NELL1: variants seen among roughly 807,000 people sequenced by gnomAD.
NELL1 encodes the protein neural EGFL like 1, also known as protein kinase C-binding protein NELL1.
Under a neutral mutation model 107.4 loss-of-function variants are expected in NELL1, and 76 were observed. That is an observed-to-expected ratio of 0.71 (90% confidence interval 0.59 to 0.86). NELL1 has a LOEUF of 0.86. Ranked by LOEUF, NELL1 falls within the 40% of genes least tolerant of loss-of-function variation. NELL1 has a pLI of 0.00. For synonymous variants in NELL1, 353 were observed against 341.2 expected (o/e 1.03, Z -0.38); for missense variants, 1,024 against 1,005.5 (o/e 1.02, Z -0.25).
intron 14 of NELL1, among the ~76,000 whole-genome samples, chr11:21,252,012 C>T (rs867225270): frequency 3.9e-4 from 60 of 152,118 alleles, no homozygotes; most frequent in African/African-American, 1.4e-3. Context: ...AATTAATGGA[C>T]ACATATGGAG....
intron 2 of NELL1, among the ~76,000 whole-genome samples, chr11:20,758,440 C>G (rs1856346198): frequency 6.6e-6 from 1 of 152,180 alleles, no homozygotes; most frequent in Non-Finnish European, 1.5e-5. Context: ...ATTCTAAGTT[C>G]TTCCTATCCT....
intron 13 of NELL1, among the ~76,000 whole-genome samples, chr11:21,149,421 G>A (rs565428257): frequency 4.6e-5 from 7 of 152,328 alleles, no homozygotes; most frequent in South Asian, 2.1e-4. Context: ...CAAAGGAGGA[G>A]CAAAGTCACA....
chr11:21,043,335 G>A (rs979976859), intron 12 of NELL1, among the ~76,000 whole-genome samples: 1 of 152,126 alleles, frequency 6.6e-6, no homozygotes, highest in Admixed American at 6.6e-5. Flanking sequence ...GATATTAAAT[G>A]AGAAAAGAAA....
chr11:21,059,162 T>G (rs184150477), intron 12 of NELL1, among the ~76,000 whole-genome samples: 23 of 152,240 alleles, frequency 1.5e-4, no homozygotes, highest in Non-Finnish European at 2.8e-4. Context: ...GGTTTACATA[T>G]GTTTCACCTT....
At chr11:21,381,405 A>G (rs930154700) in intron 15 of NELL1, among the ~76,000 whole-genome samples, 5 of 151,956 alleles carry the variant, frequency 3.3e-5, no homozygotes, top group Admixed American at 3.3e-4. Context: ...TAACGTTTCT[A>G]AGTGTCGGTT....
chr11:21,503,168 A>G (rs1855189636), intron 15 of NELL1, among the ~76,000 whole-genome samples: 2 of 152,242 alleles, frequency 1.3e-5, no homozygotes, highest in African/African-American at 4.8e-5. Context: ...AGCGTGAGCC[A>G]CTGCACCCAG....
chr11:21,329,911 A>G (rs934288596), intron 14 of NELL1, among the ~76,000 whole-genome samples: 1 of 152,246 alleles, frequency 6.6e-6, no homozygotes, highest in African/African-American at 2.4e-5. Flanking sequence ...TGTTACATCT[A>G]TATGTTATAA....
chr11:20,691,884 G>A (rs141017956), intron 2 of NELL1, among the ~76,000 whole-genome samples: 30,923 of 151,910 alleles, frequency 0.2, 3,403 homozygotes, highest in African/African-American at 0.26. Flanking sequence ...TGTACCTCTG[G>A]TAGAATTCGG....
chr11:21,148,596 A>G (rs1856039724), intron 13 of NELL1, among the ~76,000 whole-genome samples: 1 of 152,180 alleles, frequency 6.6e-6, no homozygotes, highest in African/African-American at 2.4e-5. Context: ...CGTGGGATCA[A>G]CTTCTCCCTG....
At chr11:20,934,570 C>G (rs1481087594) in intron 9 of NELL1, among the ~76,000 whole-genome samples, 4 of 152,166 alleles carry the variant, frequency 2.6e-5, no homozygotes, top group African/African-American at 9.7e-5. Flanking sequence ...GGCAGGTGAT[C>G]AAATGTGTTA....
chr11:21,525,322 C>T (rs997918844), intron 15 of NELL1, among the ~76,000 whole-genome samples: 3 of 152,094 alleles, frequency 2.0e-5, no homozygotes, highest in African/African-American at 4.8e-5. Flanking sequence ...TAAGGACTTA[C>T]AAAGAAGAAA....
chr11:20,831,138 A>T (rs1858000336), intron 3 of NELL1, among the ~76,000 whole-genome samples: 2 of 152,170 alleles, frequency 1.3e-5, no homozygotes, highest in Admixed American at 6.5e-5. Context: ...TATGTCCAAG[A>T]TCAGAGAAGA....
At chr11:20,738,045 G>C (rs1461980927) in intron 2 of NELL1, among the ~76,000 whole-genome samples, 2 of 93,066 alleles carry the variant, frequency 2.1e-5, no homozygotes, top group African/African-American at 3.7e-5. Flanking sequence ...AGTAAACGAA[G>C]TAGTGAAAAA....
At chr11:20,992,323 A>G (rs1007589127) in intron 12 of NELL1, among the ~76,000 whole-genome samples, 2 of 152,222 alleles carry the variant, frequency 1.3e-5, no homozygotes, top group African/African-American at 4.8e-5. Context: ...GCTGTCCAGG[A>G]TGCTGGATGC....
chr11:21,572,791 ATAATT>A (rs972241797), intron 18 of NELL1, among the ~76,000 whole-genome samples: 16 of 151,924 alleles, frequency 1.1e-4, no homozygotes, highest in African/African-American at 3.9e-4. Flanking sequence ...ACAGTACCTT[ATAATT>A]TATTTATTAG....
chr11:21,515,518 G>A (rs1855537051), intron 15 of NELL1, among the ~76,000 whole-genome samples: 1 of 152,092 alleles, frequency 6.6e-6, no homozygotes, highest in East Asian at 1.9e-4. Flanking sequence ...ATAGAGCTCA[G>A]AGGCAGAAGA....
intron 15 of NELL1, among the ~76,000 whole-genome samples, chr11:21,466,951 G>T (rs1373883752): frequency 6.6e-6 from 1 of 151,914 alleles, no homozygotes; most frequent in Non-Finnish European, 1.5e-5. Flanking sequence ...AAAGAAATTT[G>T]TAAAAATCTG....
intron 15 of NELL1, among the ~76,000 whole-genome samples, chr11:21,461,219 A>G (rs182928892): frequency 6.6e-6 from 1 of 152,244 alleles, no homozygotes; most frequent in East Asian, 1.9e-4. Flanking sequence ...AGAAGCGCTC[A>G]GTGATACAAG....
Position 21,010,132 on chromosome 11 carries a change from A to G in NELL1, c.1300+49572A>G, listed in dbSNP as rs75047098. On this transcript the variant is annotated intron_variant, in intron 12 of 19. Transcript: ENST00000357134. ...CTTAGTAGAGCATTGTTTAATTCAT[A>G]TAATTCATGTATTAATATGATATGT... is the stretch of plus-strand genomic sequence containing the variant. Among the ~76,000 whole-genome samples, 465 of 152,152 alleles carry G rather than the reference A, an allele frequency of 3.1e-3. 3 individuals are homozygous for G. Among genetic ancestry groups the G allele is most frequent in the African/African-American group, 0.011 (446 of 41,528 alleles).
Sources: gnomAD v4.1 joint callset for allele counts (sites outside exome capture counted in the v4.1 genomes callset) on GRCh38, gnomAD v4.1.1 for gene constraint, MANE v1.5 for transcripts, NCBI Gene and HGNC (gene_info 2026-07-23, HGNC 2026-07-21) for gene names.